Variants in KLRG1 observed in about 807,000 individuals in gnomAD.
KLRG1 encodes the protein killer cell lectin-like receptor subfamily G member 1.
Under a neutral mutation model 21.8 loss-of-function variants are expected in KLRG1, and 16 were observed. That is an observed-to-expected ratio of 0.73 (90% CI 0.50 to 1.11). The LOEUF (loss-of-function observed/expected upper bound fraction) is 1.11. Ranked by LOEUF, KLRG1 falls within the 50% of genes most tolerant of loss-of-function variation. The pLI, the probability that KLRG1 is intolerant of heterozygous loss-of-function variation, is 0.00. For missense variants in KLRG1, 173 were observed against 218.3 expected (o/e 0.79, Z 1.31); for synonymous variants, 69 against 75.9 (o/e 0.91, Z 0.47).
chr12:9,068,604 G>T, the KLRG1 span: 2 of 728,858 alleles, frequency 2.7e-6, no homozygotes, highest in East Asian at 2.7e-5. Flanking sequence ...AAAAAGAGGG[G>T]CATCAGACTT....
chr12:9,152,871 G>C, the KLRG1 span: 1 of 1,614,030 alleles, frequency 6.2e-7, no homozygotes, highest in Non-Finnish European at 8.5e-7. Context: ...TGTGTCCATC[G>C]CAAGTTTGGG....
chr12:9,107,509 T>A, the KLRG1 span: 38 of 1,613,208 alleles, frequency 2.4e-5, no homozygotes, highest in Non-Finnish European at 3.0e-5. Flanking sequence ...CTAGAAAAAA[T>A]AGTGTTCAAC....
chr12:9,146,290 CT>C, the KLRG1 span, among the ~76,000 whole-genome samples: 10 of 151,400 alleles, frequency 6.6e-5, no homozygotes, highest in African/African-American at 2.4e-4. Flanking sequence ...TTTTCTTCTG[CT>C]TTATCTAGTT....
the KLRG1 span, among the ~76,000 whole-genome samples, chr12:9,123,669 G>T: frequency 6.6e-6 from 1 of 152,204 alleles, no homozygotes; most frequent in East Asian, 1.9e-4. Flanking sequence ...TGAAGCTGCA[G>T]ATAAGAGAGA....
the KLRG1 span, among the ~76,000 whole-genome samples, chr12:9,078,133 T>C: frequency 3.9e-5 from 6 of 152,310 alleles, no homozygotes; most frequent in South Asian, 1.0e-3. Context: ...TACATAAGTA[T>C]ACGTGTGCCA....
chr12:9,106,700 A>T, the KLRG1 span: 4 of 588,946 alleles, frequency 6.8e-6, no homozygotes, highest in East Asian at 5.8e-5. Flanking sequence ...TGGGGGGACA[A>T]CATCATGTAG....
At chr12:9,119,240 G>A in the KLRG1 span, among the ~76,000 whole-genome samples, 221 of 152,276 alleles carry the variant, frequency 1.5e-3, 1 homozygote, top group Non-Finnish European at 1.3e-3. Flanking sequence ...TTTCTAAGAC[G>A]CTAGAAATAA....
the KLRG1 span, chr12:9,065,257 C>G: frequency 1.3e-5 from 2 of 151,592 alleles, no homozygotes; most frequent in African/African-American, 2.4e-5. Context: ...GGAGCCCCGC[C>G]CCTTCCGAAC....
chr12:9,080,525 A>G, the KLRG1 span: 17 of 163,108 alleles, frequency 1.0e-4, no homozygotes, highest in East Asian at 1.9e-3. Flanking sequence ...CCCACCACCA[A>G]CTTCCTTACT....
chr12:9,198,864 A>G, the KLRG1 span, among the ~76,000 whole-genome samples: 2 of 152,202 alleles, frequency 1.3e-5, no homozygotes, highest in Admixed American at 1.3e-4. Context: ...CATTGCTCTG[A>G]GGCTGAAATG....
intron 1 of KLRG1, among the ~76,000 whole-genome samples, chr12:8,974,906 C>CT (rs34393746): frequency 2.0e-5 from 3 of 150,486 alleles, no homozygotes; most frequent in Admixed American, 2.0e-4. Flanking sequence ...TCTTCTTCTT[C>CT]TTTTTTTGAG....
chr12:9,039,692 CTTTG>C, the KLRG1 span, among the ~76,000 whole-genome samples: 37,857 of 152,006 alleles, frequency 0.25, 5,082 homozygotes, highest in East Asian at 0.32. Flanking sequence ...TTCCAGGATT[CTTTG>C]TTTGTTTAGT....
the KLRG1 span, chr12:9,192,866 T>C: frequency 8.6e-6 from 5 of 580,266 alleles, no homozygotes; most frequent in Non-Finnish European, 1.5e-5. Context: ...CTCATACTGG[T>C]CGACAGCCAA....
the KLRG1 span, chr12:9,201,086 G>A: frequency 6.8e-6 from 11 of 1,611,994 alleles, no homozygotes; most frequent in East Asian, 2.2e-5. Flanking sequence ...AAACATGGGC[G>A]GTAATCATTT....
chr12:9,093,696 A>G, the KLRG1 span: 1 of 584,070 alleles, frequency 1.7e-6, no homozygotes, highest in Non-Finnish European at 2.8e-6. Context: ...TGAAATAGAG[A>G]GGAAGGAGGA....
At chr12:9,044,770 T>C in the KLRG1 span, among the ~76,000 whole-genome samples, 1 of 152,018 alleles carries the variant, frequency 6.6e-6, no homozygotes, top group African/African-American at 2.4e-5. Flanking sequence ...CTAGAGGGAG[T>C]ATAGATTTGT....
At chr12:9,020,051 A>T in the KLRG1 span, among the ~76,000 whole-genome samples, 1 of 129,432 alleles carries the variant, frequency 7.7e-6, no homozygotes, top group Non-Finnish European at 1.6e-5. Context: ...TTGTATACAT[A>T]TATATATATA....
chr12:9,093,526 G>A, the KLRG1 span: 1 of 1,613,428 alleles, frequency 6.2e-7, no homozygotes, highest in South Asian at 1.1e-5. Flanking sequence ...GTCTCCGTGT[G>A]AGGCTCTTCA....
rs772206321 is a variant in KLRG1, at chr12:8,976,193, A to G, written c.-155-16013A>G. 1.9e-3 allele frequency among the ~76,000 whole-genome samples: 296 copies of G among 152,278 alleles called. 1 individual carries two copies. Among genetic ancestry groups the G allele is most frequent in the African/African-American group, 6.6e-3 (274 of 41,566 alleles). The stretch of plus-strand genomic sequence containing the variant: ...ATTTTTGTTTGCAGATAGTTTTAAA[A>G]TTTCCATGTGATTTCTTCTTTTACC... On this transcript the variant is annotated intron_variant, in intron 1 of 4. Coordinates refer to the KLRG1 transcript ENST00000539240.
Sources: allele counts gnomAD v4.1 joint callset (sites outside exome capture counted in the v4.1 genomes callset), GRCh38; gene constraint gnomAD v4.1.1; transcripts MANE v1.5; gene names NCBI Gene and HGNC (gene_info 2026-07-23, HGNC 2026-07-21).